The following SEMA5B variants were observed in gnomAD, a reference collection of about 807,000 sequenced individuals.
SEMA5B encodes the protein semaphorin-5B.
In SEMA5B, 66 loss-of-function variants were observed where a neutral mutation model predicts 135.0. The ratio of observed to expected loss-of-function variants is 0.49; its 90% CI spans 0.40 to 0.60. SEMA5B has a LOEUF of 0.60. SEMA5B is among the 20% of genes least tolerant of loss of function. SEMA5B has a pLI of 0.00. For missense variants in SEMA5B, 1,501 were observed against 1,566.3 expected, an observed-to-expected ratio of 0.96 and a Z score of 0.70; for synonymous variants, 690 against 639.5, an observed-to-expected ratio of 1.08 and a Z score of -1.19.
intron 2 of SEMA5B, among the ~76,000 whole-genome samples, chr3:122,957,649 C>T (rs1940389570): frequency 6.6e-6 from 1 of 152,262 alleles, no homozygotes. Context: ...GCTAAGTAAG[C>T]TCTTTCCCTG....
intron 21 of SEMA5B, 26 bp from the exon 22 acceptor site, chr3:122,911,071 G>C (rs772729139): frequency 3.2e-6 from 5 of 1,576,122 alleles, no homozygotes; most frequent in African/African-American, 2.7e-5. Flanking sequence ...CAGGTAGTAA[G>C]ATGAGGGCCA....
At chr3:122,929,562 A>G (rs1938846667) in intron 5 of SEMA5B, among the ~76,000 whole-genome samples, 1 of 152,176 alleles carries the variant, frequency 6.6e-6, no homozygotes, top group African/African-American at 2.4e-5. Flanking sequence ...AGATGGGGAA[A>G]ACCAAGGTTC....
Position 123,019,658 on chromosome 3 carries a change from TA to T in SEMA5B, c.-39+7805del, listed in dbSNP as rs572994932. ...TGAGGATTAAAAGAGATAATGCACA[TA>T]AAAAGTTTACCAGGCCGTTGTATAG... On this transcript the variant is annotated intron_variant, in intron 1 of 22. Transcript: ENST00000357599. Among the ~76,000 whole-genome samples the T allele has an allele frequency of 1.8e-3, 273 of 152,270 alleles. 1 individual carries two copies. Among genetic ancestry groups the T allele is most frequent in the African/African-American group, 6.3e-3 (260 of 41,542 alleles).
At chr3:122,935,711 G>A (rs1292807336) in intron 5 of SEMA5B, among the ~76,000 whole-genome samples, 1 of 25,618 alleles carries the variant, frequency 3.9e-5, no homozygotes, top group Non-Finnish European at 7.9e-5. Context: ...TTTTTTTTTT[G>A]ACAGATTCTC....
chr3:122,966,690 G>A (rs1940850196), intron 1 of SEMA5B, among the ~76,000 whole-genome samples: 1 of 150,276 alleles, frequency 6.7e-6, no homozygotes, highest in Non-Finnish European at 1.5e-5. Context: ...AAGTAGCTGG[G>A]ACTACAGGCC....
chr3:122,972,372 G>GC (rs1941156168), intron 1 of SEMA5B, among the ~76,000 whole-genome samples: 4 of 152,276 alleles, frequency 2.6e-5, no homozygotes, highest in Admixed American at 1.3e-4. Flanking sequence ...TGCTGCCCAT[G>GC]TATAAAGCAT....
intron 1 of SEMA5B, among the ~76,000 whole-genome samples, chr3:123,007,952 C>G (rs1363812438): frequency 6.6e-6 from 1 of 152,216 alleles, no homozygotes; most frequent in African/African-American, 2.4e-5. Flanking sequence ...TAAGGAAAGA[C>G]ACAGAAAATG....
intron 14 of SEMA5B, among the ~76,000 whole-genome samples, chr3:122,914,930 A>AAAATTATGGCTTAGTTATTTT (rs148559800): frequency 0.055 from 8,403 of 152,254 alleles, 707 homozygotes; most frequent in African/African-American, 0.19. Context: ...AAAAGTGTCT[A>AAAATTATGGCTTAGTTATTTT]ATGGAGTCCC....
chr3:122,986,975 T>A (rs1266850311), intron 1 of SEMA5B, among the ~76,000 whole-genome samples: 2 of 149,536 alleles, frequency 1.3e-5, no homozygotes, highest in Non-Finnish European at 3.0e-5. Context: ...AACAGAGAGG[T>A]GGGGGAAGGG....
chr3:122,910,023 G>T lies in SEMA5B; in HGVS notation c.*120C>A, dbSNP rs1371254186. ...TGAAGCCGGATGGGACCCCCCACAG[G>T]CAAGGCAGCAAGTTCTTGGCCTAGT... On this transcript the variant is annotated 3_prime_UTR_variant, in exon 23 of 23. Coordinates refer to ENST00000357599, the MANE Select transcript of SEMA5B (RefSeq NM_001031702.4). The T allele has an allele frequency of 1.9e-6, 2 of 1,080,892 alleles. No homozygotes were observed. Among genetic ancestry groups the T allele is most frequent in the South Asian group, 1.7e-5 (1 of 60,116 alleles). The allele number at this position is 1,080,892 out of a possible 1,614,324, so 67.0% of individuals were successfully genotyped here.
rs1318767440 is a variant in SEMA5B at position 122,961,225 on chromosome 3, G to T, written c.39C>A (p.His13Gln). Residue 13 changes from histidine to glutamine, a missense_variant, in exon 2 of 23, where the codon CAC becomes CAA. This residue lies in a region of SEMA5B where 574 missense variants were observed against 684.7 expected (regional missense o/e 0.84). Transcript: ENST00000357599. ...GGGTATCAGGCGGCCCAGGGACGAG[G>T]TGGTGGGCAACAGGAGACGGACTGA... ...CGFSPSPVAH[H>Q]LVPGPPDTPA... is the part of the protein sequence containing the mutation. The T allele has an allele frequency of 1.2e-6, 2 of 1,614,046 alleles. No homozygotes were observed. The highest frequency in any genetic ancestry group is 1.7e-6 in the Non-Finnish European group (2 of 1,179,972).
intron 1 of SEMA5B, among the ~76,000 whole-genome samples, chr3:123,025,028 G>GT (rs1425501157): frequency 1.3e-5 from 2 of 152,192 alleles, no homozygotes; most frequent in African/African-American, 2.4e-5. Flanking sequence ...AGTGACCACT[G>GT]TAGGGTCTTT....
chr3:122,966,569 T>TTATTATTATTATTA (rs1560379029), intron 1 of SEMA5B, among the ~76,000 whole-genome samples: 2 of 130,958 alleles, frequency 1.5e-5, no homozygotes, highest in Admixed American at 7.2e-5. Context: ...TATTATTATT[T>TTATTATTATTATTA]TTTGAGACGG....
chr3:123,014,829 C>G (rs1387770527), intron 1 of SEMA5B, among the ~76,000 whole-genome samples: 1 of 152,182 alleles, frequency 6.6e-6, no homozygotes. Flanking sequence ...CGTGTCCCCC[C>G]ACAAAGCTCA....
chr3:122,960,101 A>G (rs1940509153), intron 2 of SEMA5B, among the ~76,000 whole-genome samples: 4 of 152,224 alleles, frequency 2.6e-5, no homozygotes. Flanking sequence ...ATTTGAAAAC[A>G]TGCCCACAAC....
chr3:122,925,563 G>A (rs1367271450), intron 9 of SEMA5B, among the ~76,000 whole-genome samples: 1 of 152,066 alleles, frequency 6.6e-6, no homozygotes, highest in Non-Finnish European at 1.5e-5. Flanking sequence ...AGCTACTCTG[G>A]AGGCTGAGAG....
chr3:122,982,284 C>T (rs1031512109), intron 1 of SEMA5B, among the ~76,000 whole-genome samples: 8 of 152,200 alleles, frequency 5.3e-5, no homozygotes, highest in African/African-American at 1.9e-4. Context: ...ACAGCCCCCT[C>T]CCAGCACTGG....
In SEMA5B at chr3:122,922,162, G is replaced by A. The variant is rs915445678; in HGVS notation, c.1481-40C>T. The A allele has an allele frequency of 8.4e-6, 13 of 1,552,606 alleles. No individual in the cohort carries two copies. In the South Asian group the frequency reaches 1.4e-4, roughly 17 times the overall value. On this transcript the variant is annotated intron_variant, in intron 11 of 22. Transcript: ENST00000357599. ...GAGCCAGACCAAGGTGGCCTTGAAG[G>A]CCCCGGAAGCTTGCAGCCCCGCGCC...
In SEMA5B at chr3:122,911,483, T is replaced by A; in HGVS notation, c.3091+8A>T. Reference sequence around the variant, plus strand: ...ACCGCAGCATGAGGTAGGTCCGGTTTCTTTTACCTGCACAGTCGGTGGCCT... The same window carrying A: ...ACCGCAGCATGAGGTAGGTCCGGTTACTTTTACCTGCACAGTCGGTGGCCT... On this transcript the variant is annotated splice_region_variant and intron_variant, in intron 21 of 22. Coordinates refer to ENST00000357599, the MANE Select transcript of SEMA5B (RefSeq NM_001031702.4). 1 of 1,605,584 alleles carries A rather than the reference T, an allele frequency of 6.2e-7. No individual in the cohort carries two copies. Among genetic ancestry groups the A allele is most frequent in the South Asian group, 1.1e-5 (1 of 88,624 alleles).
Sources: allele counts gnomAD v4.1 joint callset (sites outside exome capture counted in the v4.1 genomes callset), GRCh38; gene constraint gnomAD v4.1.1; regional missense constraint gnomAD v4.1.1; transcripts MANE v1.5; gene names NCBI Gene and HGNC (gene_info 2026-07-23, HGNC 2026-07-21).